CLTCL1: variants seen among roughly 807,000 people sequenced by gnomAD.
CLTCL1 encodes clathrin heavy chain 2.
Under a neutral mutation model 190.0 loss-of-function variants are expected in CLTCL1, and 159 were observed. The ratio of observed to expected loss-of-function variants is 0.84; its 90% CI spans 0.74 to 0.95. CLTCL1 has a LOEUF of 0.95. CLTCL1 is among the 40% of genes least tolerant of loss of function. The pLI is 0.00. For synonymous variants in CLTCL1, 752 were observed against 769.6 expected (o/e 0.98, Z 0.38); for missense variants, 1,878 against 2,033.4 (o/e 0.92, Z 1.47).
chr22:19,291,571 G>A, intron 1 of CLTCL1, 29 bp downstream of exon 1: 3 of 1,355,234 alleles, frequency 2.2e-6, no homozygotes, highest in South Asian at 1.8e-5. Flanking sequence ...GCGGCTGACA[G>A]GGCAGCCCCC....
chr22:19,183,362 G>A (rs782014565), intron 30 of CLTCL1, 28 bp downstream of exon 30: 28 of 1,594,864 alleles, frequency 1.8e-5, no homozygotes, highest in Non-Finnish European at 2.1e-5. Flanking sequence ...CACAGGGGCC[G>A]GGGAGCTGCA....
chr22:19,196,680 G>A (rs1342946305), intron 24 of CLTCL1, 24 bp from the exon 25 acceptor site: 12 of 1,599,374 alleles, frequency 7.5e-6, no homozygotes, highest in Non-Finnish European at 1.0e-5. Flanking sequence ...AGCCACGCGT[G>A]GGGCAGAGTG....
intron 24 of CLTCL1, 134 bp downstream of exon 24, chr22:19,199,600 C>T (rs2084815772): frequency 5.2e-6 from 3 of 574,580 alleles, no homozygotes; most frequent in African/African-American, 3.8e-5. Context: ...CATGAATCTT[C>T]CCCTCAGGGC....
intron 15 of CLTCL1, 46 bp downstream of exon 15, chr22:19,222,638 T>C (rs2085610348): frequency 6.4e-7 from 1 of 1,569,060 alleles, no homozygotes; most frequent in Non-Finnish European, 8.6e-7. Context: ...TGCCACTGAC[T>C]GGGGCCCAGA....
At chr22:19,224,390 T>C (rs1361042251) in intron 13 of CLTCL1, among the ~76,000 whole-genome samples, 1 of 152,040 alleles carries the variant, frequency 6.6e-6, no homozygotes, top group Non-Finnish European at 1.5e-5. Context: ...TGGGACTGCT[T>C]CTCTAAAAAG....
At chr22:19,187,863 G>T in intron 28 of CLTCL1, 118 bp downstream of exon 28, 1 of 1,319,164 alleles carries the variant, frequency 7.6e-7, no homozygotes, top group Non-Finnish European at 1.1e-6. Flanking sequence ...ATATCCACTG[G>T]TGTCCTGTGG....
Position 19,201,332 on chromosome 22 carries a change from C to T in CLTCL1, c.3762G>A (p.Lys1254=). The change falls in exon 23 of 33, where the codon AAG becomes AAA. Residue 1254 remains lysine, a synonymous_variant. Transcript: ENST00000427926. The stretch of plus-strand genomic sequence containing the variant: ...TCTGCAGTTGCCCGCAGCTCACCTC[C>T]TTCCACGTCCGGGTGCTGCTGGCCT... ...SRKASSTRTW[K]EVCFACMDGQ... is the part of the protein sequence containing the mutation. 1 of 1,610,052 alleles carries T rather than the reference C, an allele frequency of 6.2e-7. No individual in the cohort carries two copies. Among genetic ancestry groups the T allele is most frequent in the Non-Finnish European group, 8.5e-7 (1 of 1,178,486 alleles).
At chr22:19,257,191 A>C (rs2086789102) in intron 2 of CLTCL1, among the ~76,000 whole-genome samples, 1 of 152,200 alleles carries the variant, frequency 6.6e-6, no homozygotes, top group South Asian at 2.1e-4. Context: ...CTGAATTTAA[A>C]CCTCATTACA....
chr22:19,254,817 ATTTAAC>A, intron 2 of CLTCL1, among the ~76,000 whole-genome samples: 1 of 152,228 alleles, frequency 6.6e-6, no homozygotes, highest in East Asian at 1.9e-4. Context: ...TTATACTTTT[ATTTAAC>A]TTTAATTAAT....
Position 19,233,746 on chromosome 22 carries a change from A to T in CLTCL1, c.1168-124T>A, listed in dbSNP as rs1601600006. The T allele has an allele frequency of 3.7e-6, 3 of 817,490 alleles. No homozygotes were observed. The East Asian group carries it at 8.0e-5, about 22-fold the overall frequency. 50.6% of individuals were successfully genotyped at this position (817,490 alleles called of 1,614,324 possible). A position where few individuals can be genotyped will look rare whatever the true frequency, so the allele number is the denominator to read the frequency against. Reference sequence around the variant, plus strand: ...TTCCACACTGCTCTGTCATAGACAAAAAGTCCTCTACCAAGGCAACTGCTT... The same window carrying T: ...TTCCACACTGCTCTGTCATAGACAATAAGTCCTCTACCAAGGCAACTGCTT... On this transcript the variant is annotated intron_variant, in intron 7 of 32. Coordinates refer to ENST00000427926, the MANE Select transcript of CLTCL1 (RefSeq NM_007098.4).
At chr22:19,249,567 A>G (rs1385974590) in intron 3 of CLTCL1, among the ~76,000 whole-genome samples, 1 of 150,976 alleles carries the variant, frequency 6.6e-6, no homozygotes, top group Admixed American at 6.6e-5. Context: ...ATGGTGGTGC[A>G]CATCTATAAT....
chr22:19,248,263 C>T lies in CLTCL1; in HGVS notation c.520-5327G>A, dbSNP rs534039113. Among the ~76,000 whole-genome samples the T allele has an allele frequency of 8.9e-4, 136 of 152,044 alleles. 1 individual carries two copies. The highest frequency in any genetic ancestry group is 3.4e-3 in the Middle Eastern group (1 of 294). ...GGTGAGCCAAGACCATGCCACTGCA[C>T]TCCAGCCTGGGCAACAAGAGCAAAA... is the stretch of plus-strand genomic sequence containing the variant. On this transcript the variant is annotated intron_variant, in intron 3 of 32. Transcript: ENST00000427926.
intron 2 of CLTCL1, among the ~76,000 whole-genome samples, chr22:19,270,320 T>G (rs1555979983): frequency 6.7e-6 from 1 of 150,170 alleles, no homozygotes; most frequent in Admixed American, 6.6e-5. Context: ...GGAGTAGGAG[T>G]GAGAATGGTT....
At chr22:19,182,633 G>A (rs1398039342) in intron 30 of CLTCL1, 1 of 152,240 alleles carries the variant, frequency 6.6e-6, no homozygotes, top group Non-Finnish European at 1.5e-5. Flanking sequence ...ACTCACCTGG[G>A]AGGCCCCTCC....
At chr22:19,248,496 C>T (rs1480691520) in intron 3 of CLTCL1, among the ~76,000 whole-genome samples, 1 of 152,146 alleles carries the variant, frequency 6.6e-6, no homozygotes, top group African/African-American at 2.4e-5. Context: ...ATCACTACAA[C>T]ATAGTTTTAG....
intron 29 of CLTCL1, 127 bp downstream of exon 29, chr22:19,187,431 C>G: frequency 1.1e-6 from 1 of 910,172 alleles, no homozygotes; most frequent in Non-Finnish European, 1.7e-6. Context: ...CCCCACCCAC[C>G]ACGAGGATCC....
At position 19,279,287 on chromosome 22, in the gene CLTCL1, C is replaced by A. The variant is rs375881260; in HGVS notation, c.43-3457G>T. Among the ~76,000 whole-genome samples the A allele has an allele frequency of 3.5e-4, 54 of 152,138 alleles. 1 individual carries two copies. The highest frequency in any genetic ancestry group is 1.2e-3 in the African/African-American group (51 of 41,520). ...AGTAGCTGGGACTACAGGCATGCGC[C>A]ACCACGCTCGGCTGATTTTTGTAAT... On this transcript the variant is annotated intron_variant, in intron 1 of 32. Coordinates refer to ENST00000427926, the MANE Select transcript of CLTCL1 (RefSeq NM_007098.4).
rs1319593880 is a variant in CLTCL1 at position 19,221,584 on chromosome 22, C to T, written c.2589G>A (p.Glu863=). The change falls in exon 17 of 33, where the codon GAG becomes GAA. Residue 863 remains glutamate, a synonymous_variant. Transcript: ENST00000427926. ...NRLKLLLPWL[E]SQIQEGCEEP... is the part of the protein sequence containing the mutation. ...CCTCACAGCCTTCCTGAATCTGGGACTCCAGCCAGGGAAGCAGCAGCTTGA... is the reference window on the plus strand; with the variant it reads ...CCTCACAGCCTTCCTGAATCTGGGATTCCAGCCAGGGAAGCAGCAGCTTGA... 1.9e-6 allele frequency: 3 copies of T among 1,595,858 alleles called. No individual in the cohort carries two copies. The highest frequency in any genetic ancestry group is 2.6e-6 in the Non-Finnish European group (3 of 1,170,978).
intron 11 of CLTCL1, 121 bp from the exon 12 acceptor site, chr22:19,226,504 C>A: frequency 1.9e-6 from 2 of 1,069,900 alleles, no homozygotes; most frequent in East Asian, 2.5e-5. Flanking sequence ...AGGCCCCTGT[C>A]CACATCCATA....
Sources: allele counts gnomAD v4.1 joint callset (sites outside exome capture counted in the v4.1 genomes callset), GRCh38; gene constraint gnomAD v4.1.1; transcripts MANE v1.5; gene names NCBI Gene and HGNC (gene_info 2026-07-23, HGNC 2026-07-21).